The following ZNF521 variants were observed in gnomAD, a reference collection of about 807,000 sequenced individuals.
ZNF521 encodes zinc finger protein 521.
A neutral mutation model predicts 105.5 loss-of-function variants in ZNF521; 14 were observed. The observed-to-expected ratio is 0.13, with a 90% CI of 0.09 to 0.21. ZNF521 has a LOEUF of 0.21. Ranked by LOEUF, ZNF521 falls within the 10% of genes least tolerant of loss-of-function variation. The pLI is 1.00. For synonymous variants in ZNF521, 635 were observed against 606.0 expected (o/e 1.05, Z -0.70); for missense variants, 1,233 against 1,629.7 (o/e 0.76, Z 4.19).
chr18:25,196,584 G>A (rs1411858104), intron 4 of ZNF521, among the ~76,000 whole-genome samples: 1 of 151,602 alleles, frequency 6.6e-6, no homozygotes, highest in Non-Finnish European at 1.5e-5. Context: ...ATTGGAAGCT[G>A]TCTAAATCAT....
At chr18:25,321,889 G>T in intron 3 of ZNF521, 119 bp downstream of exon 3, 1 of 971,914 alleles carries the variant, frequency 1.0e-6, no homozygotes, top group Non-Finnish European at 1.5e-6. Context: ...TCTAGACTTA[G>T]CTAGGTATTC....
chr18:25,075,513 G>T (rs755320912), intron 7 of ZNF521, among the ~76,000 whole-genome samples: 1 of 152,158 alleles, frequency 6.6e-6, no homozygotes, highest in African/African-American at 2.4e-5. Context: ...CATTCAAAGC[G>T]GTTTGGCGAG....
intron 4 of ZNF521, among the ~76,000 whole-genome samples, chr18:25,215,470 T>C (rs1483368404): frequency 6.6e-6 from 1 of 152,206 alleles, no homozygotes; most frequent in Non-Finnish European, 1.5e-5. Flanking sequence ...TGACTAGATA[T>C]TTACTAATCT....
intron 3 of ZNF521, chr18:25,273,622 T>A (rs564019901): frequency 1.3e-5 from 2 of 152,348 alleles, no homozygotes; most frequent in South Asian, 4.1e-4. Context: ...ACAATTACAC[T>A]TAAATCAGAT....
chr18:25,121,256 C>A lies in ZNF521; in HGVS notation c.3659-29175G>T, dbSNP rs1369298827. ...CCTCCCGAGTAGCCACCGCGCCCAG[C>A]CTTCTTCTTCTTCTTCCTTTTTTTT... On this transcript the variant is annotated intron_variant, in intron 5 of 7. Coordinates refer to ENST00000361524, the MANE Select transcript of ZNF521 (RefSeq NM_015461.3). Among the ~76,000 whole-genome samples the A allele has an allele frequency of 1.5e-4, 22 of 147,712 alleles. No individual in the cohort carries two copies. In the East Asian group the frequency reaches 3.0e-3, roughly 20 times the overall value.
intron 4 of ZNF521, chr18:25,201,117 T>C (rs952625284): frequency 6.6e-6 from 1 of 152,066 alleles, no homozygotes; most frequent in Non-Finnish European, 1.5e-5. Flanking sequence ...CCCAGGCTAC[T>C]GTACCAGAGC....
intron 5 of ZNF521, among the ~76,000 whole-genome samples, chr18:25,113,989 C>CT (rs67508928): frequency 2.3e-4 from 34 of 150,256 alleles, no homozygotes; most frequent in East Asian, 1.6e-3. Flanking sequence ...ATAAAAAAGC[C>CT]TTTTTTTTTT....
intron 3 of ZNF521, among the ~76,000 whole-genome samples, chr18:25,234,594 A>G (rs911096701): frequency 2.0e-5 from 3 of 152,174 alleles, no homozygotes; most frequent in Non-Finnish European, 4.4e-5. Flanking sequence ...CATATGAGGT[A>G]TTATAAGACT....
intron 5 of ZNF521, among the ~76,000 whole-genome samples, chr18:25,135,680 G>A (rs546334630): frequency 6.6e-6 from 1 of 152,254 alleles, no homozygotes; most frequent in Non-Finnish European, 1.5e-5. Flanking sequence ...ACTCCTTGTT[G>A]ATGAAGGAAT....
chr18:25,330,368 G>A (rs1276326156), intron 2 of ZNF521, among the ~76,000 whole-genome samples: 1 of 151,958 alleles, frequency 6.6e-6, no homozygotes, highest in Non-Finnish European at 1.5e-5. Context: ...GTTTCACCAT[G>A]TTGGCCAGGA....
intron 3 of ZNF521, among the ~76,000 whole-genome samples, chr18:25,236,034 C>T (rs1206967538): frequency 6.6e-6 from 1 of 152,158 alleles, no homozygotes; most frequent in Non-Finnish European, 1.5e-5. Flanking sequence ...AGGTCTGTGG[C>T]AAATAATCAT....
intron 5 of ZNF521, among the ~76,000 whole-genome samples, chr18:25,163,447 G>C (rs45491394): frequency 6.6e-6 from 1 of 152,136 alleles, no homozygotes; most frequent in African/African-American, 2.4e-5. Context: ...TTTTAGCACC[G>C]TGCTATTGGT....
At chr18:25,096,219 TC>T in intron 5 of ZNF521, among the ~76,000 whole-genome samples, 1 of 152,294 alleles carries the variant, frequency 6.6e-6, no homozygotes, top group Admixed American at 6.5e-5. Flanking sequence ...AAGGAAAGCG[TC>T]TGCATACATA....
chr18:25,206,827 T>C (rs569261826), intron 4 of ZNF521, among the ~76,000 whole-genome samples: 1 of 152,254 alleles, frequency 6.6e-6, no homozygotes, highest in South Asian at 2.1e-4. Flanking sequence ...TTCAGAAAGC[T>C]TGCTAGCAAT....
chr18:25,125,076 T>C (rs1258476947), intron 5 of ZNF521, among the ~76,000 whole-genome samples: 1 of 152,166 alleles, frequency 6.6e-6, no homozygotes, highest in Admixed American at 6.5e-5. Context: ...TCAAAGAGTA[T>C]GCATGGATCC....
intron 5 of ZNF521, among the ~76,000 whole-genome samples, chr18:25,188,832 T>C (rs545757189): frequency 2.6e-5 from 4 of 152,332 alleles, no homozygotes; most frequent in African/African-American, 7.2e-5. Context: ...GAGGCCCCTT[T>C]AGGGGCAGTG....
rs77128050 is a variant in ZNF521 at position 25,285,660 on chromosome 18, A to G, written c.220+36348T>C. Among the ~76,000 whole-genome samples the G allele has an allele frequency of 7.9e-5, 12 of 152,194 alleles. 2 individuals are homozygous for G. In the East Asian group the frequency reaches 2.3e-3, roughly 30 times the overall value. Reference sequence around the variant, plus strand: ...CTCTATCCACCACCTACAGAACTACAGACAGATTTTGTAGTTGCACTTCTC... The same window carrying G: ...CTCTATCCACCACCTACAGAACTACGGACAGATTTTGTAGTTGCACTTCTC... On this transcript the variant is annotated intron_variant, in intron 3 of 7. Coordinates refer to ENST00000361524, the MANE Select transcript of ZNF521 (RefSeq NM_015461.3).
chr18:25,305,271 A>G (rs2145086033), intron 3 of ZNF521, among the ~76,000 whole-genome samples: 1 of 152,340 alleles, frequency 6.6e-6, no homozygotes, highest in African/African-American at 2.4e-5. Context: ...TACTAAACTC[A>G]GATTAATATA....
intron 5 of ZNF521, among the ~76,000 whole-genome samples, chr18:25,102,265 AT>A (rs112335303): frequency 3.5e-4 from 53 of 152,274 alleles, no homozygotes; most frequent in African/African-American, 1.2e-3. Flanking sequence ...TTAAAAGATA[AT>A]TTTTTAAATT....
Sources: allele counts gnomAD v4.1 joint callset (sites outside exome capture counted in the v4.1 genomes callset), GRCh38; gene constraint gnomAD v4.1.1; transcripts MANE v1.5; gene names NCBI Gene and HGNC (gene_info 2026-07-23, HGNC 2026-07-21).